Variants in SLC44A5 observed in about 807,000 individuals in gnomAD.
SLC44A5 encodes the protein choline transporter-like protein 5.
SLC44A5 carries 57 observed loss-of-function variants against 101.8 expected under a neutral mutation model. That is an observed-to-expected ratio of 0.56 (90% CI 0.45 to 0.70). The LOEUF (loss-of-function observed/expected upper bound fraction) is 0.70. Among genes scored for constraint, SLC44A5 ranks in the 30% least tolerant of loss-of-function variants. The pLI, the probability that SLC44A5 is intolerant of heterozygous loss-of-function variation, is 0.00. For synonymous variants in SLC44A5, 281 were observed against 290.9 expected, an observed-to-expected ratio of 0.97 and a Z score of 0.35; for missense variants, 737 against 853.1, an observed-to-expected ratio of 0.86 and a Z score of 1.70.
chr1:75,399,515 C>G (rs72986719), intron 2 of SLC44A5, among the ~76,000 whole-genome samples: 7,748 of 152,162 alleles, frequency 0.051, 636 homozygotes, highest in African/African-American at 0.18. Context: ...CTACCAGATG[C>G]AAGGTCTGGC....
In SLC44A5 at chr1:75,476,767, G is replaced by C. The variant is rs112300922; in HGVS notation, c.13+64668C>G. ...AGCAGGGAAGCTCGAACTGGGTGGA[G>C]CCCACCACAGCTCAAGGAGGCCTGC... On this transcript the variant is annotated intron_variant, in intron 2 of 23. Transcript: ENST00000370859. 5.8e-3 allele frequency among the ~76,000 whole-genome samples: 885 copies of C among 152,370 alleles called. 4 individuals are homozygous for C. The highest frequency in any genetic ancestry group is 0.02 in the African/African-American group (848 of 41,590).
intron 2 of SLC44A5, among the ~76,000 whole-genome samples, chr1:75,442,867 T>A (rs1226828980): frequency 1.3e-5 from 2 of 152,182 alleles, no homozygotes; most frequent in Non-Finnish European, 2.9e-5. Flanking sequence ...ATACTGTTCA[T>A]TTAGAAGTCA....
intron 5 of SLC44A5, among the ~76,000 whole-genome samples, chr1:75,283,390 T>G (rs1553154736): frequency 6.6e-6 from 1 of 152,188 alleles, no homozygotes; most frequent in Non-Finnish European, 1.5e-5. Flanking sequence ...TTGTGGATTC[T>G]GGATATTAGT....
chr1:75,532,095 G>T (rs1025739340), intron 2 of SLC44A5, among the ~76,000 whole-genome samples: 5 of 152,156 alleles, frequency 3.3e-5, no homozygotes, highest in Admixed American at 2.6e-4. Flanking sequence ...CAGAAGTGGG[G>T]TCTAGAAATC....
At chr1:75,438,752 C>CCATAGCACT (rs1665027846) in intron 2 of SLC44A5, among the ~76,000 whole-genome samples, 3 of 151,788 alleles carry the variant, frequency 2.0e-5, no homozygotes, top group Non-Finnish European at 4.4e-5. Context: ...CAATTTAGGC[C>CCATAGCACT]CATAGCACTC....
intron 2 of SLC44A5, among the ~76,000 whole-genome samples, chr1:75,460,032 A>T (rs1666411881): frequency 6.6e-6 from 1 of 152,178 alleles, no homozygotes; most frequent in Admixed American, 6.5e-5. Context: ...TTCAGGTAGC[A>T]GGTGTTCCTG....
chr1:75,713,294 T>C, the SLC44A5 span, among the ~76,000 whole-genome samples: 1 of 152,198 alleles, frequency 6.6e-6, no homozygotes, highest in Non-Finnish European at 1.5e-5. Context: ...TCCTATTTCA[T>C]TGAGAAATAG....
At chr1:75,702,050 A>T in the SLC44A5 span, among the ~76,000 whole-genome samples, 1 of 152,312 alleles carries the variant, frequency 6.6e-6, no homozygotes, top group South Asian at 2.1e-4. Context: ...CATGGGTAGG[A>T]AGAATCAATA....
chr1:75,257,050 C>A (rs1445697170), intron 6 of SLC44A5, among the ~76,000 whole-genome samples: 1 of 152,122 alleles, frequency 6.6e-6, no homozygotes, highest in Admixed American at 6.5e-5. Context: ...AAGAGATTGT[C>A]CCAGTGAAAG....
At chr1:75,662,689 C>T in the SLC44A5 span, among the ~76,000 whole-genome samples, 1 of 150,548 alleles carries the variant, frequency 6.6e-6, no homozygotes, top group Non-Finnish European at 1.5e-5. Flanking sequence ...TAATACCCAT[C>T]CAGGGTTTTT....
At chr1:75,281,853 A>AT (rs1158320877) in intron 5 of SLC44A5, among the ~76,000 whole-genome samples, 3 of 152,194 alleles carry the variant, frequency 2.0e-5, no homozygotes, top group Non-Finnish European at 2.9e-5. Flanking sequence ...CAGAGGATGT[A>AT]TGGAAATGCC....
At chr1:75,414,379 G>A (rs1441545670) in intron 2 of SLC44A5, among the ~76,000 whole-genome samples, 1 of 151,438 alleles carries the variant, frequency 6.6e-6, no homozygotes, top group Non-Finnish European at 1.5e-5. Flanking sequence ...CTCTTGTGAA[G>A]AGAGAGATGC....
In SLC44A5 at chr1:75,260,678, T is replaced by C. The variant is rs866066543; in HGVS notation, c.261-9384A>G. 2.2e-4 allele frequency among the ~76,000 whole-genome samples: 34 copies of C among 152,136 alleles called. 1 individual carries two copies. Among genetic ancestry groups the C allele is most frequent in the East Asian group, 1.3e-3 (7 of 5,190 alleles). On this transcript the variant is annotated intron_variant, in intron 6 of 23. Transcript: ENST00000370859. ...TCAGCTCTGCAACAAGCAGACCTAA[T>C]AGACATCTACAAAACTCTCCACTCC...
chr1:75,334,518 T>C (rs1474603878), intron 4 of SLC44A5, among the ~76,000 whole-genome samples: 1 of 152,158 alleles, frequency 6.6e-6, no homozygotes, highest in African/African-American at 2.4e-5. Context: ...TTTAGGACTA[T>C]TATATATTCA....
At chr1:75,280,443 G>A (rs550601794) in intron 5 of SLC44A5, among the ~76,000 whole-genome samples, 3 of 90,950 alleles carry the variant, frequency 3.3e-5, no homozygotes, top group African/African-American at 5.7e-5. Flanking sequence ...ATTATATATA[G>A]TATATATTAT....
chr1:75,222,533 G>T, intron 13 of SLC44A5, 73 bp from the exon 14 acceptor site: 1 of 855,288 alleles, frequency 1.2e-6, no homozygotes, highest in East Asian at 2.6e-5. Context: ...GCAAATGCTA[G>T]GATTGAACTT....
At chr1:75,545,763 A>T (rs925057079) in intron 1 of SLC44A5, among the ~76,000 whole-genome samples, 4 of 151,776 alleles carry the variant, frequency 2.6e-5, no homozygotes, top group Non-Finnish European at 5.9e-5. Flanking sequence ...CAAAATGTTG[A>T]TCTTCTACCT....
chr1:75,684,348 T>C, the SLC44A5 span, among the ~76,000 whole-genome samples: 2 of 152,116 alleles, frequency 1.3e-5, no homozygotes, highest in Non-Finnish European at 2.9e-5. Context: ...CAAAGCCAAT[T>C]ATGCCTTCCC....
chr1:75,584,493 C>T (rs1014355985), intron 1 of SLC44A5, among the ~76,000 whole-genome samples: 3 of 152,154 alleles, frequency 2.0e-5, no homozygotes, highest in African/African-American at 7.2e-5. Context: ...ATTTGGAAGA[C>T]GGATTCACTG....
Sources: gnomAD v4.1 joint callset for allele counts (sites outside exome capture counted in the v4.1 genomes callset) on GRCh38, gnomAD v4.1.1 for gene constraint, MANE v1.5 for transcripts, NCBI Gene and HGNC (gene_info 2026-07-23, HGNC 2026-07-21) for gene names.